BCL2L1: variants seen among roughly 807,000 people sequenced by gnomAD.
The protein encoded by BCL2L1 is bcl-2-like protein 1.
Under a neutral mutation model 18.7 loss-of-function variants are expected in BCL2L1, and 1 was observed. The ratio of observed to expected loss-of-function variants is 0.05; its 90% CI spans 0.02 to 0.25. BCL2L1 has a LOEUF of 0.25. Among genes scored for constraint, BCL2L1 ranks in the 10% least tolerant of loss-of-function variants. The pLI is 1.00. For synonymous variants in BCL2L1, 103 were observed against 122.7 expected, an observed-to-expected ratio of 0.84 and a Z score of 1.06; for missense variants, 207 against 304.9, an observed-to-expected ratio of 0.68 and a Z score of 2.39.
Position 31,672,975 on chromosome 20 carries a change from T to C in BCL2L1, c.565-6889A>G, listed in dbSNP as rs532952142. ...TTGGTCTTCCAAAGTACTGGGATTATAGGCATGAGCAACTGTGCCCACCCT... is the reference window on the plus strand; with the variant it reads ...TTGGTCTTCCAAAGTACTGGGATTACAGGCATGAGCAACTGTGCCCACCCT... On this transcript the variant is annotated intron_variant, in intron 2 of 2. Transcript: ENST00000307677. Among the ~76,000 whole-genome samples the C allele has an allele frequency of 8.5e-5, 13 of 152,066 alleles. No individual in the cohort carries two copies. In the East Asian group the frequency reaches 1.4e-3, roughly 16 times the overall value.
chr20:31,693,647 C>T (rs778853027), intron 2 of BCL2L1, among the ~76,000 whole-genome samples: 11 of 152,286 alleles, frequency 7.2e-5, no homozygotes, highest in East Asian at 5.8e-4. Context: ...ATCCCCGACT[C>T]AACCTTCTGA....
At chr20:31,714,051 A>G (rs1032338601) in intron 2 of BCL2L1, among the ~76,000 whole-genome samples, 7 of 152,230 alleles carry the variant, frequency 4.6e-5, no homozygotes, top group Non-Finnish European at 7.3e-5. Flanking sequence ...AATATAGGGT[A>G]GCACTATTGT....
upstream of BCL2L1, chr20:31,723,328 TGAGGCG>T: frequency 1.0e-6 from 1 of 985,452 alleles, no homozygotes. Context: ...TGGGTGAGGG[TGAGGCG>T]CTGGGCCTCT....
chr20:31,682,750 T>C, intron 2 of BCL2L1, among the ~76,000 whole-genome samples: 1 of 152,216 alleles, frequency 6.6e-6, no homozygotes. Flanking sequence ...CCACTGTGCC[T>C]GGCCTACTTA....
At chr20:31,713,597 G>C (rs969811047) in intron 2 of BCL2L1, 1 of 985,326 alleles carries the variant, frequency 1.0e-6, no homozygotes, top group South Asian at 4.7e-5. Flanking sequence ...AGCTTGGCCC[G>C]AGAGTCTCAT....
intron 2 of BCL2L1, among the ~76,000 whole-genome samples, chr20:31,685,455 G>C (rs1013384631): frequency 6.6e-6 from 1 of 151,790 alleles, no homozygotes; most frequent in African/African-American, 2.4e-5. Flanking sequence ...TTGGAAAAAT[G>C]TTCCCCAAAC....
rs750992536 is a variant in BCL2L1, at chr20:31,702,946, C to CA, written c.564+18708dup. On this transcript the variant is annotated intron_variant, in intron 2 of 2. Transcript: ENST00000307677. ...TGGGCGACAGGGCAAGACTCCATCT[C>CA]AAAAAAAAAAAAAAAAGTCTGGGTT... 4.9e-3 allele frequency among the ~76,000 whole-genome samples: 389 copies of CA among 79,180 alleles called. 2 individuals carry two copies. Among genetic ancestry groups the CA allele is most frequent in the East Asian group, 0.017 (44 of 2,582 alleles). 51.9% of individuals were successfully genotyped at this position (79,180 alleles called of 152,430 possible).
intron 2 of BCL2L1, among the ~76,000 whole-genome samples, chr20:31,682,678 C>T (rs2060884176): frequency 6.6e-6 from 1 of 152,132 alleles, no homozygotes; most frequent in Admixed American, 6.6e-5. Context: ...TGGTCCTGAA[C>T]TACTGAGCTC....
At chr20:31,666,221 G>A (rs1302283416) in intron 2 of BCL2L1, 135 bp from the exon 3 acceptor site, 2 of 1,108,810 alleles carry the variant, frequency 1.8e-6, no homozygotes, top group Admixed American at 2.0e-5. Context: ...TCTGGGCCAG[G>A]TAAAGGGCTA....
At chr20:31,696,893 CA>C (rs1352380896) in intron 2 of BCL2L1, among the ~76,000 whole-genome samples, 1 of 151,566 alleles carries the variant, frequency 6.6e-6, no homozygotes, top group Non-Finnish European at 1.5e-5. Context: ...CTGTCTCTAC[CA>C]AAAATACAAA....
chr20:31,720,294 C>T (rs952057064), intron 2 of BCL2L1, among the ~76,000 whole-genome samples: 1 of 152,208 alleles, frequency 6.6e-6, no homozygotes, highest in African/African-American at 2.4e-5. Context: ...GCCTGCCACA[C>T]CCTAGGCCCA....
chr20:31,704,256 A>C (rs979491971), intron 2 of BCL2L1, among the ~76,000 whole-genome samples: 1 of 151,428 alleles, frequency 6.6e-6, no homozygotes, highest in Non-Finnish European at 1.5e-5. Context: ...GGCGTGCACC[A>C]CACCCGGCTA....
chr20:31,691,098 A>T (rs2061061193), intron 2 of BCL2L1, among the ~76,000 whole-genome samples: 1 of 122,162 alleles, frequency 8.2e-6, no homozygotes, highest in African/African-American at 3.1e-5. Flanking sequence ...GGTTGCAGTG[A>T]GCCGAGATCA....
At chr20:31,694,745 G>T (rs2061139575) in intron 2 of BCL2L1, among the ~76,000 whole-genome samples, 3 of 152,122 alleles carry the variant, frequency 2.0e-5, no homozygotes, top group Non-Finnish European at 2.9e-5. Flanking sequence ...GGCTTACATT[G>T]AAGGAAACTA....
intron 2 of BCL2L1, among the ~76,000 whole-genome samples, chr20:31,692,897 T>G: frequency 6.7e-6 from 1 of 149,634 alleles, no homozygotes; most frequent in African/African-American, 2.5e-5. Context: ...GGCGACAGAG[T>G]GAGACTCGGT....
At chr20:31,687,471 C>G (rs926077256) in intron 2 of BCL2L1, among the ~76,000 whole-genome samples, 1 of 151,510 alleles carries the variant, frequency 6.6e-6, no homozygotes, top group Non-Finnish European at 1.5e-5. Flanking sequence ...GTCAGGAGAT[C>G]GAGACCATTC....
At chr20:31,681,588 C>T (rs1482612221) in intron 2 of BCL2L1, among the ~76,000 whole-genome samples, 1 of 152,194 alleles carries the variant, frequency 6.6e-6, no homozygotes, top group African/African-American at 2.4e-5. Flanking sequence ...CTGCAGTGAG[C>T]CATGACTGCG....
upstream of BCL2L1, chr20:31,723,586 C>T (rs1414065180): frequency 1.5e-5 from 15 of 985,106 alleles, no homozygotes; most frequent in Non-Finnish European, 1.8e-5. Context: ...CCGGGGGCGC[C>T]CCCTAGACCT....
At chr20:31,671,858 CATAT>C (rs1173977135) in intron 2 of BCL2L1, among the ~76,000 whole-genome samples, 5 of 147,322 alleles carry the variant, frequency 3.4e-5, no homozygotes, top group Non-Finnish European at 6.0e-5. Flanking sequence ...CTATATATAC[CATAT>C]ATATACACAC....
Sources: allele counts gnomAD v4.1 joint callset (sites outside exome capture counted in the v4.1 genomes callset), GRCh38; gene constraint gnomAD v4.1.1; transcripts MANE v1.5; gene names NCBI Gene and HGNC (gene_info 2026-07-23, HGNC 2026-07-21).